The following CR1L variants were observed in gnomAD, a reference collection of about 807,000 sequenced individuals.
CR1L encodes complement component receptor 1-like protein.
In CR1L, 59 loss-of-function variants were observed where a neutral mutation model predicts 62.3. That is an observed-to-expected ratio of 0.95 (90% confidence interval 0.77 to 1.18). The LOEUF (loss-of-function observed/expected upper bound fraction) is 1.18, where lower values mean the gene tolerates loss of function less well. Among genes scored for constraint, CR1L ranks in the 50% most tolerant of loss-of-function variants. The pLI is 0.00. For synonymous variants in CR1L, 279 were observed against 248.7 expected (o/e 1.12, Z -1.15); for missense variants, 700 against 702.8 (o/e 1.00, Z 0.04).
At chr1:207,695,725 C>T (rs1158227578) in intron 5 of CR1L, among the ~76,000 whole-genome samples, 9 of 152,164 alleles carry the variant, frequency 5.9e-5, no homozygotes, top group African/African-American at 1.9e-4. Flanking sequence ...GGAGGAATGA[C>T]TGAAGACTCC....
chr1:207,669,725 C>G (rs1366070781), intron 1 of CR1L, among the ~76,000 whole-genome samples: 2 of 151,302 alleles, frequency 1.3e-5, no homozygotes, highest in Non-Finnish European at 2.9e-5. Context: ...GGCGGCGGGT[C>G]TGGGATCCTT....
At chr1:207,670,723 G>A (rs1663598879) in intron 1 of CR1L, among the ~76,000 whole-genome samples, 1 of 151,062 alleles carries the variant, frequency 6.6e-6, no homozygotes, top group Admixed American at 6.6e-5. Flanking sequence ...ATCTCCTTAG[G>A]CACCAGAAAG....
intron 8 of CR1L, among the ~76,000 whole-genome samples, 168 bp from the exon 9 acceptor site, chr1:207,701,351 A>T (rs1571528819): frequency 6.6e-6 from 1 of 152,324 alleles, no homozygotes; most frequent in East Asian, 1.9e-4. Flanking sequence ...GGGGCTTAGT[A>T]GGTGGCTGAT....
chr1:207,697,704 G>A lies in CR1L; in HGVS notation c.1039+25G>A, dbSNP rs200145232. The A allele has an allele frequency of 2.8e-4, 458 of 1,613,902 alleles. 1 individual carries two copies. The East Asian group carries it at 7.8e-3, about 27-fold the overall frequency. Reference sequence around the variant, plus strand: ...GGTGACTAGACTCTTATCTGGCTTGGTATTTTTAGCTTGCGTCTTTATTCT... The same window carrying A: ...GGTGACTAGACTCTTATCTGGCTTGATATTTTTAGCTTGCGTCTTTATTCT... On this transcript the variant is annotated intron_variant, in intron 6 of 11. Transcript: ENST00000508064.
At chr1:207,649,729 C>T (rs1663192861) in intron 1 of CR1L, among the ~76,000 whole-genome samples, 1 of 152,128 alleles carries the variant, frequency 6.6e-6, no homozygotes, top group Non-Finnish European at 1.5e-5. Context: ...TTAAAAGTCT[C>T]TAAGCTATGT....
intron 5 of CR1L, among the ~76,000 whole-genome samples, chr1:207,695,958 C>T (rs1451513639): frequency 6.6e-6 from 1 of 152,172 alleles, no homozygotes; most frequent in African/African-American, 2.4e-5. Context: ...CTGGGAATTA[C>T]AATTTGACAT....
At chr1:207,676,915 C>G (rs1663700196) in intron 1 of CR1L, among the ~76,000 whole-genome samples, 1 of 152,150 alleles carries the variant, frequency 6.6e-6, no homozygotes, top group African/African-American at 2.4e-5. Context: ...CTTGGTCTCC[C>G]AAAGTGCTGG....
intron 1 of CR1L, chr1:207,657,314 T>G (rs1389246125): frequency 9.8e-6 from 11 of 1,127,430 alleles, no homozygotes; most frequent in Admixed American, 1.7e-5. Flanking sequence ...TGCTCCAGAG[T>G]GTAAAAGTCA....
At position 207,677,447 on chromosome 1, in the gene CR1L, C is replaced by A. The variant is rs778860020; in HGVS notation, c.156C>A (p.Asp52Glu). The A allele has an allele frequency of 4.3e-6, 7 of 1,612,722 alleles. No individual in the cohort carries two copies. The highest frequency in any genetic ancestry group is 1.7e-5 in the Admixed American group (1 of 59,920). Residue 52 changes from aspartate to glutamate, a missense_variant, in exon 2 of 12, where the codon GAC becomes GAA. By Grantham distance (45) the Asp-to-Glu change is conservative. Coordinates refer to ENST00000508064, the MANE Select transcript of CR1L (RefSeq NM_175710.2). ...CCAGGCCTACCAACCTAACTGATGA[C>A]TTTGAGTTTCCCATTGGGACATATC... ...PFARPTNLTDDFEFPIGTYLN... is the reference protein window; with the variant it reads ...PFARPTNLTDEFEFPIGTYLN...
At chr1:207,690,616 C>T (rs1281431405) in intron 4 of CR1L, among the ~76,000 whole-genome samples, 1 of 152,144 alleles carries the variant, frequency 6.6e-6, no homozygotes, top group Non-Finnish European at 1.5e-5. Context: ...GTATTAGTTT[C>T]CCAGGGCTGC....
intron 10 of CR1L, among the ~76,000 whole-genome samples, chr1:207,713,223 G>A (rs1462070729): frequency 6.6e-6 from 1 of 152,002 alleles, no homozygotes; most frequent in African/African-American, 2.4e-5. Context: ...TTTATTTGGA[G>A]GCAAAAGAAC....
intron 3 of CR1L, among the ~76,000 whole-genome samples, chr1:207,682,907 T>C (rs896548253): frequency 1.3e-5 from 2 of 152,158 alleles, no homozygotes; most frequent in African/African-American, 4.8e-5. Flanking sequence ...ATAAAATAAG[T>C]GTTCAGTTCT....
chr1:207,708,443 C>G (rs4844615), intron 10 of CR1L, among the ~76,000 whole-genome samples, 180 bp downstream of exon 10: 3 of 152,204 alleles, frequency 2.0e-5, no homozygotes, highest in Admixed American at 1.3e-4. Flanking sequence ...CCTAGAAATG[C>G]TTTTTTTCTT....
At chr1:207,700,480 C>T (rs1240116222) in intron 8 of CR1L, among the ~76,000 whole-genome samples, 5 of 152,126 alleles carry the variant, frequency 3.3e-5, no homozygotes, top group African/African-American at 7.2e-5. Context: ...ATAAACAAAT[C>T]AGTAGATGCT....
intron 3 of CR1L, among the ~76,000 whole-genome samples, chr1:207,680,972 T>C (rs964040076): frequency 6.6e-6 from 1 of 152,236 alleles, no homozygotes; most frequent in African/African-American, 2.4e-5. Context: ...ACCCCATTCA[T>C]TTGGAGTTGG....
At chr1:207,704,907 G>C (rs1287893885) in intron 9 of CR1L, among the ~76,000 whole-genome samples, 1 of 152,148 alleles carries the variant, frequency 6.6e-6, no homozygotes, top group Non-Finnish European at 1.5e-5. Flanking sequence ...ATATCTTTGA[G>C]GAATGTCTGT....
intron 11 of CR1L, among the ~76,000 whole-genome samples, chr1:207,722,537 G>A (rs1242509642): frequency 2.0e-5 from 3 of 151,196 alleles, no homozygotes; most frequent in Admixed American, 6.6e-5. Flanking sequence ...GCTCTGTTCT[G>A]TTCCATTGAT....
At chr1:207,702,398 A>G (rs746356547) in intron 9 of CR1L, among the ~76,000 whole-genome samples, 10 of 152,308 alleles carry the variant, frequency 6.6e-5, no homozygotes, top group Non-Finnish European at 1.0e-4. Flanking sequence ...AATGAGGCCA[A>G]TTAATAGCCC....
intron 3 of CR1L, among the ~76,000 whole-genome samples, chr1:207,680,940 C>T (rs890686908): frequency 7.2e-5 from 11 of 152,194 alleles, no homozygotes; most frequent in African/African-American, 2.4e-4. Flanking sequence ...TGATACCTTA[C>T]GTCCTCCACT....
Sources: gnomAD v4.1 joint callset for allele counts (sites outside exome capture counted in the v4.1 genomes callset) on GRCh38, gnomAD v4.1.1 for gene constraint, MANE v1.5 for transcripts, NCBI Gene and HGNC (gene_info 2026-07-23, HGNC 2026-07-21) for gene names.